Variants in EGFLAM observed in about 807,000 individuals in gnomAD.
EGFLAM encodes pikachurin.
EGFLAM carries 79 observed loss-of-function variants against 113.1 expected under a neutral mutation model. The ratio of observed to expected loss-of-function variants is 0.70; its 90% CI spans 0.58 to 0.84. The LOEUF (loss-of-function observed/expected upper bound fraction) is 0.84, where lower values mean the gene tolerates loss of function less well. Ranked by LOEUF, EGFLAM falls within the 40% of genes least tolerant of loss-of-function variation. The pLI is 0.00. For missense variants in EGFLAM, 1,265 were observed against 1,291.6 expected, an observed-to-expected ratio of 0.98 and a Z score of 0.32; for synonymous variants, 504 against 487.6, an observed-to-expected ratio of 1.03 and a Z score of -0.44.
chr5:38,278,922 C>T (rs1271002426), intron 1 of EGFLAM, among the ~76,000 whole-genome samples: 1 of 151,932 alleles, frequency 6.6e-6, no homozygotes, highest in Non-Finnish European at 1.5e-5. Flanking sequence ...ACAGAGTGAA[C>T]AGACAAAATA....
intron 12 of EGFLAM, among the ~76,000 whole-genome samples, chr5:38,419,034 TG>T (rs1741746100): frequency 6.6e-6 from 1 of 152,184 alleles, no homozygotes; most frequent in African/African-American, 2.4e-5. Flanking sequence ...ATTTGGTTCC[TG>T]GAGAGGCCTC....
At chr5:38,411,357 G>A (rs980031855) in intron 10 of EGFLAM, among the ~76,000 whole-genome samples, 8 of 152,134 alleles carry the variant, frequency 5.3e-5, no homozygotes, top group Admixed American at 3.9e-4. Flanking sequence ...GAACCTGGGA[G>A]GCGGAGGTTG....
Position 38,337,568 on chromosome 5 carries a change from C to T in EGFLAM, c.146C>T (p.Thr49Met), listed in dbSNP as rs145406817. The T allele has an allele frequency of 3.9e-4, 630 of 1,606,916 alleles. 1 individual carries two copies. In the African/African-American group the frequency reaches 7.0e-3, roughly 18 times the overall value. Residue 49 changes from threonine to methionine, a missense_variant, in exon 2 of 22, where the codon ACG becomes ATG. Thr to Met is a moderately conservative substitution (Grantham distance 81). Coordinates refer to ENST00000322350, the MANE Select transcript of EGFLAM (RefSeq NM_152403.4). ...LDIKLGALNCTAFSIQWKMPR... is the reference protein window; with the variant it reads ...LDIKLGALNCMAFSIQWKMPR... ...ATCAAGCTGGGCGCATTGAACTGTA[C>T]GGCTTTCAGCATCCAGTGGAAAATG... is the stretch of plus-strand genomic sequence containing the variant.
At chr5:38,316,122 A>G (rs1457444514) in intron 1 of EGFLAM, among the ~76,000 whole-genome samples, 4 of 151,150 alleles carry the variant, frequency 2.6e-5, no homozygotes, top group African/African-American at 4.9e-5. Context: ...TCCTTAAAGC[A>G]GTTATTGATA....
At chr5:38,417,113 G>T (rs1465228284) in intron 11 of EGFLAM, among the ~76,000 whole-genome samples, 1 of 152,050 alleles carries the variant, frequency 6.6e-6, no homozygotes, top group African/African-American at 2.4e-5. Context: ...CAGCACTTTG[G>T]GAGACTGAGG....
chr5:38,267,740 T>C (rs1306868090), intron 1 of EGFLAM, among the ~76,000 whole-genome samples: 4 of 152,208 alleles, frequency 2.6e-5, no homozygotes, highest in African/African-American at 9.7e-5. Flanking sequence ...TATTTGGAAC[T>C]TCACCTCTGT....
At chr5:38,393,778 C>CA (rs899300176) in intron 6 of EGFLAM, among the ~76,000 whole-genome samples, 3 of 152,208 alleles carry the variant, frequency 2.0e-5, no homozygotes, top group African/African-American at 7.2e-5. Flanking sequence ...AGCATGTTAC[C>CA]ACCAATGCTC....
At chr5:38,266,518 A>T (rs1180621667) in intron 1 of EGFLAM, among the ~76,000 whole-genome samples, 1 of 152,220 alleles carries the variant, frequency 6.6e-6, no homozygotes, top group Admixed American at 6.5e-5. Context: ...AAGAATTTCT[A>T]TATTTCCAGG....
intron 6 of EGFLAM, among the ~76,000 whole-genome samples, chr5:38,401,410 A>G (rs772948526): frequency 1.3e-5 from 2 of 152,246 alleles, no homozygotes; most frequent in Admixed American, 6.5e-5. Context: ...GCTTCCTCTA[A>G]TGGGATGCAT....
At chr5:38,413,781 G>A (rs988397947) in intron 11 of EGFLAM, among the ~76,000 whole-genome samples, 7 of 152,136 alleles carry the variant, frequency 4.6e-5, no homozygotes, top group Non-Finnish European at 1.5e-5. Context: ...TTTTTGGCAC[G>A]AGGGACCAGT....
chr5:38,366,035 T>A (rs1390545111), intron 5 of EGFLAM, among the ~76,000 whole-genome samples: 2 of 152,166 alleles, frequency 1.3e-5, no homozygotes, highest in East Asian at 3.9e-4. Context: ...CCACTGGGCC[T>A]CTTAGTCCAA....
chr5:38,359,567 T>G (rs891860246), intron 5 of EGFLAM, among the ~76,000 whole-genome samples: 9 of 152,070 alleles, frequency 5.9e-5, no homozygotes, highest in Admixed American at 5.9e-4. Context: ...CCCAGCTACT[T>G]GGGAGGTTGA....
chr5:38,347,496 C>T (rs556573147), intron 3 of EGFLAM, among the ~76,000 whole-genome samples: 8 of 152,058 alleles, frequency 5.3e-5, no homozygotes, highest in Middle Eastern at 3.4e-3. Flanking sequence ...CAGACTGGGG[C>T]GGGGCCAGAG....
chr5:38,344,103 G>A (rs776219308), intron 3 of EGFLAM, among the ~76,000 whole-genome samples: 8 of 152,242 alleles, frequency 5.3e-5, no homozygotes, highest in Non-Finnish European at 1.2e-4. Flanking sequence ...ATGTAAGGAG[G>A]TAAAGGCAAG....
chr5:38,385,586 C>T (rs189101850), intron 6 of EGFLAM, among the ~76,000 whole-genome samples: 2 of 152,192 alleles, frequency 1.3e-5, no homozygotes, highest in Admixed American at 1.3e-4. Context: ...AGCTGCAGAA[C>T]CCACTGATAC....
chr5:38,362,759 T>C (rs1432516428), intron 5 of EGFLAM, among the ~76,000 whole-genome samples: 1 of 152,196 alleles, frequency 6.6e-6, no homozygotes, highest in African/African-American at 2.4e-5. Flanking sequence ...TTCCAGAAGC[T>C]GTCAAGTCCC....
intron 1 of EGFLAM, among the ~76,000 whole-genome samples, chr5:38,335,295 A>C (rs1425252410): frequency 1.3e-5 from 2 of 152,234 alleles, no homozygotes; most frequent in Admixed American, 6.5e-5. Flanking sequence ...TGTTCTTTTC[A>C]GCATTATTTT....
Position 38,445,521 on chromosome 5 carries a change from T to C in EGFLAM, c.2465-2780T>C, listed in dbSNP as rs1742677925. The stretch of plus-strand genomic sequence containing the variant: ...TTCCAGTGGTTCCCCGCGGGGCTCA[T>C]ATTCACATTCCCTAAGAGGACGTTC... On this transcript the variant is annotated intron_variant, in intron 17 of 21. Coordinates refer to ENST00000322350, the MANE Select transcript of EGFLAM (RefSeq NM_152403.4). 3 of 1,547,698 alleles carry C rather than the reference T, an allele frequency of 1.9e-6. No individual in the cohort carries two copies. The South Asian group carries it at 3.6e-5, about 19-fold the overall frequency.
intron 2 of EGFLAM, 61 bp from the exon 3 acceptor site, chr5:38,338,637 A>C: frequency 3.3e-6 from 5 of 1,529,460 alleles, no homozygotes; most frequent in Non-Finnish European, 4.5e-6. Flanking sequence ...GTGCAATTAC[A>C]ACCTTTGATC....
Sources: gnomAD v4.1 joint callset for allele counts (sites outside exome capture counted in the v4.1 genomes callset) on GRCh38, gnomAD v4.1.1 for gene constraint, MANE v1.5 for transcripts, NCBI Gene and HGNC (gene_info 2026-07-23, HGNC 2026-07-21) for gene names.